The following NAALADL2 variants were observed in gnomAD, a reference collection of about 807,000 sequenced individuals.
NAALADL2 encodes the protein N-acetylated alpha-linked acidic dipeptidase like 2.
Under a neutral mutation model 87.2 loss-of-function variants are expected in NAALADL2, and 76 were observed. That is an observed-to-expected ratio of 0.87 (90% CI 0.72 to 1.05). NAALADL2 has a LOEUF of 1.05. NAALADL2 is among the 50% of genes least tolerant of loss of function. NAALADL2 has a pLI of 0.00. For missense variants in NAALADL2, 1,089 were observed against 945.8 expected, an observed-to-expected ratio of 1.15 and a Z score of -1.99; for synonymous variants, 354 against 331.0, an observed-to-expected ratio of 1.07 and a Z score of -0.75.
intron 2 of NAALADL2, among the ~76,000 whole-genome samples, chr3:174,701,379 A>G (rs1020721559): frequency 3.3e-5 from 5 of 152,134 alleles, no homozygotes; most frequent in South Asian, 2.1e-4. Context: ...CTCTTTATAG[A>G]TCATTTTCAC....
chr3:175,088,504 G>A (rs1282616805), intron 1 of NAALADL2, among the ~76,000 whole-genome samples: 1 of 152,170 alleles, frequency 6.6e-6, no homozygotes, highest in African/African-American at 2.4e-5. Flanking sequence ...ACCACTGTGG[G>A]CCTTAAATAG....
intron 2 of NAALADL2, among the ~76,000 whole-genome samples, chr3:174,555,468 T>C (rs2108499833): frequency 6.6e-6 from 1 of 152,042 alleles, no homozygotes; most frequent in Admixed American, 6.6e-5. Context: ...CCCCACTAAT[T>C]TTTGTATTTT....
intron 1 of NAALADL2, among the ~76,000 whole-genome samples, chr3:175,086,377 A>T (rs1158842697): frequency 6.6e-6 from 1 of 152,114 alleles, no homozygotes; most frequent in Non-Finnish European, 1.5e-5. Flanking sequence ...AGGGAGGAAA[A>T]CATATATAAA....
intron 1 of NAALADL2, among the ~76,000 whole-genome samples, chr3:174,454,706 C>A (rs112536380): frequency 0.013 from 1,984 of 152,072 alleles, 21 homozygotes; most frequent in Non-Finnish European, 0.021. Context: ...AAGATACATA[C>A]CAAAATCTCT....
intron 5 of NAALADL2, among the ~76,000 whole-genome samples, chr3:175,329,187 G>C (rs758547986): frequency 1.3e-5 from 2 of 152,130 alleles, no homozygotes; most frequent in Non-Finnish European, 2.9e-5. Context: ...CTGATTTAAA[G>C]CTTCGTATCT....
intron 5 of NAALADL2, among the ~76,000 whole-genome samples, chr3:175,385,869 C>T (rs62287977): frequency 0.22 from 32,722 of 151,864 alleles, 4,326 homozygotes; most frequent in East Asian, 0.5. Flanking sequence ...AAGTGACTAC[C>T]CCAAAACCCA....
intron 4 of NAALADL2, among the ~76,000 whole-genome samples, chr3:175,315,016 T>C (rs1478114905): frequency 1.3e-5 from 2 of 152,008 alleles, no homozygotes; most frequent in Non-Finnish European, 2.9e-5. Context: ...TCCTTTTTAA[T>C]TGCTGGGAAG....
chr3:174,733,879 A>C (rs1285695284), intron 2 of NAALADL2, among the ~76,000 whole-genome samples: 1 of 152,156 alleles, frequency 6.6e-6, no homozygotes, highest in East Asian at 1.9e-4. Flanking sequence ...CTGGCCTCTC[A>C]CTTTCTGGAT....
At chr3:174,797,404 C>T (rs145334626) in intron 3 of NAALADL2, among the ~76,000 whole-genome samples, 3,733 of 147,856 alleles carry the variant, frequency 0.025, 173 homozygotes, top group African/African-American at 0.088. Flanking sequence ...TTCTGCCTCC[C>T]GGGTTCAAGC....
intron 1 of NAALADL2, among the ~76,000 whole-genome samples, chr3:175,048,962 C>G (rs1755022044): frequency 6.6e-6 from 1 of 152,066 alleles, no homozygotes; most frequent in African/African-American, 2.4e-5. Context: ...TTTATTTTCT[C>G]TATTAGAAAA....
chr3:175,105,457 T>G lies in NAALADL2; in HGVS notation c.545+8166T>G, dbSNP rs572454139. On this transcript the variant is annotated intron_variant, in intron 2 of 13. Transcript: ENST00000454872. ...TATTGAAATTTTAATCATACATATA[T>G]ATGATTCACATATATATAAATGGCT... Among the ~76,000 whole-genome samples the G allele has an allele frequency of 8.4e-4, 126 of 150,412 alleles. 1 individual carries two copies. The highest frequency in any genetic ancestry group is 2.8e-3 in the African/African-American group (113 of 40,944).
Position 174,972,552 on chromosome 3 carries a change from C to G in NAALADL2, c.43+113102C>G, listed in dbSNP as rs1579800534. Among the ~76,000 whole-genome samples the G allele has an allele frequency of 2.6e-5, 4 of 152,170 alleles. No individual in the cohort carries two copies. In the South Asian group the frequency reaches 6.2e-4, roughly 24 times the overall value. On this transcript the variant is annotated intron_variant, in intron 1 of 13. Transcript: ENST00000454872. ...ATTAGTCAACTGTATTAGGGCTCAC[C>G]CTTATGATCTTATTTATCCTTAATT...
intron 1 of NAALADL2, among the ~76,000 whole-genome samples, chr3:174,895,348 T>C (rs1447395967): frequency 6.6e-6 from 1 of 151,834 alleles, no homozygotes; most frequent in African/African-American, 2.4e-5. Context: ...AAAGGAGACA[T>C]TACAACTGAT....
chr3:174,795,739 T>C (rs145581648), intron 3 of NAALADL2, among the ~76,000 whole-genome samples: 1 of 152,294 alleles, frequency 6.6e-6, no homozygotes, highest in East Asian at 1.9e-4. Context: ...TCCTAATGAA[T>C]ATGAAGTAAT....
At chr3:174,866,209 C>G (rs1266663766) in intron 1 of NAALADL2, among the ~76,000 whole-genome samples, 2 of 151,774 alleles carry the variant, frequency 1.3e-5, no homozygotes, top group African/African-American at 4.8e-5. Flanking sequence ...ACAGGCCTAA[C>G]TAGAAGAGAG....
intron 2 of NAALADL2, among the ~76,000 whole-genome samples, chr3:175,104,716 G>A (rs1580466312): frequency 1.3e-5 from 2 of 152,162 alleles, no homozygotes; most frequent in African/African-American, 2.4e-5. Context: ...GTATGCAAAC[G>A]ATAACAGAAT....
intron 1 of NAALADL2, among the ~76,000 whole-genome samples, chr3:174,522,646 C>G (rs1344090394): frequency 2.0e-5 from 3 of 151,818 alleles, no homozygotes; most frequent in Non-Finnish European, 4.4e-5. Context: ...CTTAAAACAA[C>G]AAGAAAGGCC....
chr3:174,809,781 C>A (rs796550606), intron 3 of NAALADL2, among the ~76,000 whole-genome samples: 34 of 152,158 alleles, frequency 2.2e-4, no homozygotes, highest in African/African-American at 7.7e-4. Context: ...GTATTCCTAC[C>A]CAAATTTCAT....
intron 1 of NAALADL2, among the ~76,000 whole-genome samples, chr3:174,491,583 C>G (rs1292127422): frequency 6.6e-6 from 1 of 152,100 alleles, no homozygotes; most frequent in Non-Finnish European, 1.5e-5. Flanking sequence ...CTAGTTTCCT[C>G]AAGAATTAGT....
Sources: allele counts gnomAD v4.1 joint callset (sites outside exome capture counted in the v4.1 genomes callset), GRCh38; gene constraint gnomAD v4.1.1; transcripts MANE v1.5; gene names NCBI Gene and HGNC (gene_info 2026-07-23, HGNC 2026-07-21).